KCNU1: variants seen among roughly 807,000 people sequenced by gnomAD.
KCNU1 encodes the protein potassium calcium-activated channel subfamily U member 1.
In KCNU1, 93 loss-of-function variants were observed where a neutral mutation model predicts 126.8. The observed-to-expected ratio is 0.73, with a 90% CI of 0.62 to 0.87. The LOEUF (loss-of-function observed/expected upper bound fraction) is 0.87, where lower values mean the gene tolerates loss of function less well. KCNU1 is among the 40% of genes least tolerant of loss of function. The pLI, the probability that KCNU1 is intolerant of heterozygous loss-of-function variation, is 0.00. For synonymous variants in KCNU1, 523 were observed against 494.2 expected (o/e 1.06, Z -0.77); for missense variants, 1,330 against 1,367.1 (o/e 0.97, Z 0.43).
intron 20 of KCNU1, among the ~76,000 whole-genome samples, 162 bp from the exon 21 acceptor site, chr8:36,909,149 A>G (rs1397893823): frequency 2.0e-5 from 3 of 152,246 alleles, no homozygotes; most frequent in Admixed American, 1.3e-4. Flanking sequence ...CCACTTGTGC[A>G]TGAGTTCTGT....
chr8:36,929,114 G>T (rs1808619694), intron 24 of KCNU1: 10 of 647,138 alleles, frequency 1.5e-5, no homozygotes, highest in South Asian at 6.9e-5. Flanking sequence ...AGACACAGTG[G>T]CTCATGCCTG....
At chr8:36,914,021 T>C (rs1807997432) in intron 22 of KCNU1, among the ~76,000 whole-genome samples, 1 of 152,202 alleles carries the variant, frequency 6.6e-6, no homozygotes, top group Non-Finnish European at 1.5e-5. Context: ...ATTAATATTA[T>C]AGAAATTCCC....
chr8:36,935,793 A>G lies in KCNU1; in HGVS notation c.3323A>G (p.Asn1108Ser), dbSNP rs565676004. The G allele has an allele frequency of 2.5e-6, 4 of 1,613,504 alleles. No homozygotes were observed. The East Asian group carries it at 8.9e-5, about 36-fold the overall frequency. The change falls in exon 27 of 27, where the codon AAT becomes AGT. Residue 1108 changes from asparagine (N) to serine (S), a missense_variant. This residue lies in a region of KCNU1 where 1,054 missense variants were observed against 1,053.9 expected (regional missense o/e 1.00). Transcript: ENST00000399881. ...TCTTTTCCTAAGCAAATAGCATGGA[A>G]TCAGAGTAGAACAAACAGTATTATA... ...SLSFPKQIAWNQSRTNSIISS... is the reference protein window; with the variant it reads ...SLSFPKQIAWSQSRTNSIISS...
At chr8:36,820,986 T>G (rs1182431588) in intron 10 of KCNU1, among the ~76,000 whole-genome samples, 1 of 152,166 alleles carries the variant, frequency 6.6e-6, no homozygotes, top group East Asian at 1.9e-4. Context: ...GAACCTGAAT[T>G]AGGTTTATAG....
intron 18 of KCNU1, among the ~76,000 whole-genome samples, chr8:36,857,628 TTTTG>T (rs999059675): frequency 1.0e-4 from 13 of 130,082 alleles, no homozygotes; most frequent in African/African-American, 3.4e-4. Flanking sequence ...GTTGTTTGTT[TTTTG>T]TTTTTTTGTT....
chr8:36,875,747 G>T (rs543114968), intron 19 of KCNU1, among the ~76,000 whole-genome samples: 1 of 151,654 alleles, frequency 6.6e-6, no homozygotes, highest in Admixed American at 6.6e-5. Context: ...AAATATTTTC[G>T]TGCAGATTAG....
Position 36,936,101 on chromosome 8 carries a change from G to A in KCNU1, c.*181G>A, listed in dbSNP as rs1808850279. The A allele has an allele frequency of 2.1e-6, 1 of 483,436 alleles. No homozygotes were observed. The highest frequency in any genetic ancestry group is 3.6e-6 in the Non-Finnish European group (1 of 277,916). 29.9% of individuals were successfully genotyped at this position (483,436 alleles called of 1,614,324 possible). A position where few individuals can be genotyped will look rare whatever the true frequency, so the allele number is the denominator to read the frequency against. The stretch of plus-strand genomic sequence containing the variant: ...AGTCTAATGCCACTGGATCTTGTGT[G>A]ATAAATAAAGAAATATATGATCAAT... On this transcript the variant is annotated 3_prime_UTR_variant, in exon 27 of 27. Coordinates refer to ENST00000399881, the MANE Select transcript of KCNU1 (RefSeq NM_001031836.3).
intron 22 of KCNU1, among the ~76,000 whole-genome samples, chr8:36,917,874 C>T (rs1232806594): frequency 6.6e-6 from 1 of 152,118 alleles, no homozygotes; most frequent in Non-Finnish European, 1.5e-5. Flanking sequence ...AGGTCAAGGG[C>T]TCTCTGAGTG....
intron 10 of KCNU1, 42 bp from the exon 11 acceptor site, chr8:36,833,509 AATC>A (rs1563283546): frequency 1.8e-6 from 2 of 1,116,144 alleles, no homozygotes; most frequent in Admixed American, 1.7e-5. Context: ...ACCCAGAGTC[AATC>A]ATCTTTTTTC....
At chr8:36,862,944 T>C (rs1186316399) in intron 18 of KCNU1, among the ~76,000 whole-genome samples, 1 of 152,124 alleles carries the variant, frequency 6.6e-6, no homozygotes, top group Non-Finnish European at 1.5e-5. Flanking sequence ...TTACTTCGGG[T>C]GTTCCCTTCC....
intron 18 of KCNU1, among the ~76,000 whole-genome samples, 155 bp downstream of exon 18, chr8:36,846,054 T>C (rs565316684): frequency 2.0e-5 from 3 of 152,340 alleles, no homozygotes; most frequent in African/African-American, 7.2e-5. Flanking sequence ...GAGGTGAGAA[T>C]CAGTGTTTTA....
intron 16 of KCNU1, among the ~76,000 whole-genome samples, chr8:36,843,210 T>C (rs1805020167): frequency 6.6e-6 from 1 of 152,180 alleles, no homozygotes; most frequent in Non-Finnish European, 1.5e-5. Flanking sequence ...AATATTTATT[T>C]AGCAACTAAT....
intron 19 of KCNU1, among the ~76,000 whole-genome samples, chr8:36,881,299 A>G (rs1362745588): frequency 1.3e-5 from 2 of 152,178 alleles, no homozygotes; most frequent in Admixed American, 1.3e-4. Flanking sequence ...GCTGGAGTGC[A>G]GTGGCACCAT....
rs1369206561 is a variant in KCNU1, at chr8:36,836,356, C to T, written c.1356C>T (p.Ser452=). Residue 452 remains serine (S), a synonymous_variant, in exon 13 of 27, where the codon TCC becomes TCT. Coordinates refer to ENST00000399881, the MANE Select transcript of KCNU1 (RefSeq NM_001031836.3). ...GAATCATCATACAGATACTGCAATC[C>T]CATAACAAGGTATAGTAACATTCTA... The part of the protein sequence containing the change: ...TTRIIIQILQ[S]HNKVYLPKIP... 6.3e-7 allele frequency: 1 copy of T among 1,592,060 alleles called. No individual in the cohort carries two copies. The highest frequency in any genetic ancestry group is 2.2e-5 in the East Asian group (1 of 44,636).
chr8:36,809,077 A>G (rs1030499925), intron 7 of KCNU1, among the ~76,000 whole-genome samples: 1 of 152,182 alleles, frequency 6.6e-6, no homozygotes, highest in Non-Finnish European at 1.5e-5. Context: ...ATGTATCACT[A>G]TATCTTATAA....
intron 19 of KCNU1, among the ~76,000 whole-genome samples, chr8:36,884,108 C>T (rs1215888957): frequency 3.9e-5 from 6 of 152,110 alleles, no homozygotes; most frequent in Non-Finnish European, 8.8e-5. Context: ...AATTCCGGCA[C>T]ATAAAATAAC....
At chr8:36,891,633 T>G (rs1806966956) in intron 19 of KCNU1, among the ~76,000 whole-genome samples, 1 of 152,126 alleles carries the variant, frequency 6.6e-6, no homozygotes, top group Non-Finnish European at 1.5e-5. Flanking sequence ...TTTAGTATCG[T>G]TTGTAATAAA....
At chr8:36,876,319 A>G (rs970049149) in intron 19 of KCNU1, among the ~76,000 whole-genome samples, 1 of 152,210 alleles carries the variant, frequency 6.6e-6, no homozygotes, top group African/African-American at 2.4e-5. Context: ...TGAATGCGTT[A>G]AAAAAGAAAA....
At chr8:36,817,958 C>G (rs1436056453) in intron 10 of KCNU1, among the ~76,000 whole-genome samples, 198 bp downstream of exon 10, 2 of 152,104 alleles carry the variant, frequency 1.3e-5, no homozygotes, top group African/African-American at 4.8e-5. Context: ...AGATGTTTTT[C>G]TGCATAGGTA....
Sources: gnomAD v4.1 joint callset for allele counts (sites outside exome capture counted in the v4.1 genomes callset) on GRCh38, gnomAD v4.1.1 for gene constraint, gnomAD v4.1.1 regional missense constraint, MANE v1.5 for transcripts, NCBI Gene and HGNC (gene_info 2026-07-23, HGNC 2026-07-21) for gene names.